ARHGAP26: variants seen among roughly 807,000 people sequenced by gnomAD.
The protein encoded by ARHGAP26 is Rho GTPase activating protein 26.
ARHGAP26 carries 38 observed loss-of-function variants against 104.8 expected under a neutral mutation model. That is an observed-to-expected ratio of 0.36 (90% CI 0.28 to 0.48). The LOEUF is 0.48. ARHGAP26 is among the 20% of genes least tolerant of loss of function. The pLI, the probability that ARHGAP26 is intolerant of heterozygous loss-of-function variation, is 0.99. For synonymous variants in ARHGAP26, 341 were observed against 340.0 expected (o/e 1.00, Z -0.03); for missense variants, 704 against 947.9 (o/e 0.74, Z 3.38).
intron 1 of ARHGAP26, among the ~76,000 whole-genome samples, chr5:142,797,854 G>A (rs1407497512): frequency 1.3e-5 from 2 of 152,180 alleles, no homozygotes; most frequent in Admixed American, 6.5e-5. Context: ...CAGATTGCCT[G>A]GGGACCTTGT....
chr5:143,193,724 G>A (rs953184129), intron 20 of ARHGAP26, among the ~76,000 whole-genome samples: 9 of 152,150 alleles, frequency 5.9e-5, no homozygotes, highest in African/African-American at 1.9e-4. Flanking sequence ...AGGCTGCTAC[G>A]GTTTATGGTA....
chr5:142,921,353 G>A (rs1763160083), intron 10 of ARHGAP26, among the ~76,000 whole-genome samples: 1 of 152,146 alleles, frequency 6.6e-6, no homozygotes, highest in South Asian at 2.1e-4. Context: ...AGTAATATGT[G>A]CATATGGCTG....
intron 12 of ARHGAP26, among the ~76,000 whole-genome samples, chr5:143,024,319 T>G (rs1780739652): frequency 6.6e-6 from 1 of 152,014 alleles, no homozygotes; most frequent in African/African-American, 2.4e-5. Flanking sequence ...AAATCTACCC[T>G]CTCTCTCAGC....
chr5:142,836,849 C>T (rs965884276), intron 1 of ARHGAP26, among the ~76,000 whole-genome samples: 7 of 152,166 alleles, frequency 4.6e-5, no homozygotes, highest in African/African-American at 1.4e-4. Flanking sequence ...TTGGTATTAT[C>T]GTACCTACTT....
rs541115992 is a variant in ARHGAP26 at position 143,223,949 on chromosome 5, C to G, written c.*1503C>G. 1.7e-5 allele frequency: 4 copies of G among 232,070 alleles called. No homozygotes were observed. Among genetic ancestry groups the G allele is most frequent in the African/African-American group, 8.8e-5 (4 of 45,380 alleles). 14.4% of individuals were successfully genotyped at this position (232,070 alleles called of 1,614,324 possible). Reference sequence around the variant, plus strand: ...CATGTGAATGTCATTGCAAGGGTGACTCTAGACAAACTACAAACCGATGGA... The same window carrying G: ...CATGTGAATGTCATTGCAAGGGTGAGTCTAGACAAACTACAAACCGATGGA... On this transcript the variant is annotated 3_prime_UTR_variant, in exon 23 of 23. Transcript: ENST00000645722.
intron 10 of ARHGAP26, among the ~76,000 whole-genome samples, chr5:142,928,046 G>T (rs1051971564): frequency 6.6e-6 from 1 of 152,072 alleles, no homozygotes; most frequent in African/African-American, 2.4e-5. Flanking sequence ...ACATATTCTG[G>T]ATATGATTCT....
intron 1 of ARHGAP26, among the ~76,000 whole-genome samples, chr5:142,832,610 A>T (rs1053918768): frequency 6.6e-6 from 1 of 152,258 alleles, no homozygotes; most frequent in Admixed American, 6.5e-5. Flanking sequence ...GGCACAGGAC[A>T]TCTAGGGAAG....
At chr5:143,220,588 G>A (rs551201740) in intron 22 of ARHGAP26, among the ~76,000 whole-genome samples, 14 of 152,344 alleles carry the variant, frequency 9.2e-5, no homozygotes, top group African/African-American at 3.1e-4. Flanking sequence ...GCATGGGAGA[G>A]CTTTGGTCAT....
At chr5:143,093,526 TTCTG>T (rs1424614895) in intron 17 of ARHGAP26, among the ~76,000 whole-genome samples, 1 of 152,094 alleles carries the variant, frequency 6.6e-6, no homozygotes, top group Non-Finnish European at 1.5e-5. Context: ...CTCTTTGACT[TTCTG>T]TCTCTTTCTC....
intron 14 of ARHGAP26, among the ~76,000 whole-genome samples, chr5:143,051,766 C>G (rs1053123303): frequency 1.3e-5 from 2 of 152,144 alleles, no homozygotes; most frequent in East Asian, 3.8e-4. Context: ...TTACAGAGCC[C>G]GAATAAGTGG....
chr5:142,815,640 C>T (rs1206484928), intron 1 of ARHGAP26, among the ~76,000 whole-genome samples: 1 of 152,236 alleles, frequency 6.6e-6, no homozygotes, highest in Non-Finnish European at 1.5e-5. Flanking sequence ...TCCAACCACA[C>T]TGGCTGTCAG....
intron 20 of ARHGAP26, chr5:143,203,140 A>G (rs546553360): frequency 2.2e-4 from 34 of 152,312 alleles, no homozygotes; most frequent in African/African-American, 7.5e-4. Context: ...TGAACAGGCA[A>G]CCTACAGAAT....
At chr5:142,786,880 C>T (rs1002552144) in intron 1 of ARHGAP26, among the ~76,000 whole-genome samples, 3 of 151,772 alleles carry the variant, frequency 2.0e-5, no homozygotes, top group Non-Finnish European at 2.9e-5. Context: ...CTCCTGACCT[C>T]GTGATCTGCC....
intron 1 of ARHGAP26, among the ~76,000 whole-genome samples, chr5:142,786,413 CA>C (rs1437210438): frequency 6.6e-6 from 1 of 152,150 alleles, no homozygotes; most frequent in African/African-American, 2.4e-5. Flanking sequence ...CCTCCCACCT[CA>C]TTTTCCTGAG....
chr5:143,090,500 A>C (rs939734111), intron 17 of ARHGAP26, among the ~76,000 whole-genome samples: 2 of 152,192 alleles, frequency 1.3e-5, no homozygotes, highest in Non-Finnish European at 2.9e-5. Flanking sequence ...CCTTGTGAGA[A>C]GTTTTGGAAG....
chr5:142,935,619 T>C (rs929464036), intron 11 of ARHGAP26, among the ~76,000 whole-genome samples: 2 of 152,238 alleles, frequency 1.3e-5, no homozygotes, highest in South Asian at 4.1e-4. Flanking sequence ...TTGGATTTTA[T>C]TGGACTAACT....
intron 11 of ARHGAP26, among the ~76,000 whole-genome samples, chr5:142,993,434 G>T (rs1045534060): frequency 5.9e-5 from 9 of 152,036 alleles, no homozygotes; most frequent in Non-Finnish European, 8.8e-5. Context: ...CTCCCAAAGT[G>T]CTGGGATTGC....
At chr5:143,198,007 CAT>C (rs1257347576) in intron 20 of ARHGAP26, among the ~76,000 whole-genome samples, 1 of 152,196 alleles carries the variant, frequency 6.6e-6, no homozygotes, top group Non-Finnish European at 1.5e-5. Context: ...CTGAGGCAGT[CAT>C]AGTTTCTTGC....
At chr5:142,902,554 AC>A (rs1247287494) in intron 7 of ARHGAP26, among the ~76,000 whole-genome samples, 3 of 152,160 alleles carry the variant, frequency 2.0e-5, no homozygotes, top group African/African-American at 7.2e-5. Flanking sequence ...TAAACACAGG[AC>A]CTTTTGGTGC....
Sources: gnomAD v4.1 joint callset for allele counts (sites outside exome capture counted in the v4.1 genomes callset) on GRCh38, gnomAD v4.1.1 for gene constraint, MANE v1.5 for transcripts, NCBI Gene and HGNC (gene_info 2026-07-23, HGNC 2026-07-21) for gene names.